Variants in CNTNAP4 observed in about 807,000 individuals in gnomAD.
CNTNAP4 encodes the protein contactin-associated protein-like 4.
CNTNAP4 carries 98 observed loss-of-function variants against 148.4 expected under a neutral mutation model. That is an observed-to-expected ratio of 0.66 (90% CI 0.56 to 0.78). CNTNAP4 has a LOEUF of 0.78. CNTNAP4 is among the 30% of genes least tolerant of loss of function. CNTNAP4 has a pLI of 0.00. For synonymous variants in CNTNAP4, 730 were observed against 565.1 expected, an observed-to-expected ratio of 1.29 and a Z score of -4.14; for missense variants, 1,935 against 1,565.6, an observed-to-expected ratio of 1.24 and a Z score of -3.98.
intron 3 of CNTNAP4, among the ~76,000 whole-genome samples, chr16:76,409,327 C>G (rs1261731804): frequency 6.6e-6 from 1 of 151,782 alleles, no homozygotes; most frequent in Non-Finnish European, 1.5e-5. Context: ...TTAAAATAAG[C>G]AGAGTTTAAA....
intron 1 of CNTNAP4, among the ~76,000 whole-genome samples, chr16:76,291,318 G>A (rs1959105507): frequency 6.6e-6 from 1 of 152,054 alleles, no homozygotes; most frequent in African/African-American, 2.4e-5. Flanking sequence ...TCAGTGCATT[G>A]CCGAGATCAA....
chr16:76,287,105 A>C (rs1375627800), intron 1 of CNTNAP4, among the ~76,000 whole-genome samples: 1 of 152,218 alleles, frequency 6.6e-6, no homozygotes, highest in African/African-American at 2.4e-5. Flanking sequence ...CAAAAGATGT[A>C]AGCTTTTCTA....
At position 76,540,828 on chromosome 16, in the gene CNTNAP4, A is replaced by G. The variant is rs752085860; in HGVS notation, c.3442+38A>G. The G allele has an allele frequency of 2.9e-6, 4 of 1,374,574 alleles. No homozygotes were observed. The East Asian group carries it at 1.0e-4, about 35-fold the overall frequency. The allele number at this position is 1,374,574 out of a possible 1,614,324, so 85.1% of individuals were successfully genotyped here. The stretch of plus-strand genomic sequence containing the variant: ...AACAACCTTTCCCCTAACCATGCTA[A>G]TCATGATACATAAGCATGGATCAGA... On this transcript the variant is annotated intron_variant, in intron 21 of 23. Coordinates refer to ENST00000611870, the MANE Select transcript of CNTNAP4 (RefSeq NM_033401.5).
rs547957970 is a variant in CNTNAP4, at chr16:76,312,674, C to G, written c.86-3739C>G. 3.7e-4 allele frequency among the ~76,000 whole-genome samples: 56 copies of G among 152,184 alleles called. 1 individual carries two copies. In the Middle Eastern group the frequency reaches 0.031, roughly 83 times the overall value. On this transcript the variant is annotated intron_variant, in intron 1 of 23. Coordinates refer to ENST00000611870, the MANE Select transcript of CNTNAP4 (RefSeq NM_033401.5). ...CTGATGGAACTCCTACACTTCAAACCTAAAGAAATAATAATTATAGTCATG... is the reference window on the plus strand; with the variant it reads ...CTGATGGAACTCCTACACTTCAAACGTAAAGAAATAATAATTATAGTCATG...
chr16:76,505,722 T>C (rs60537766), intron 15 of CNTNAP4, among the ~76,000 whole-genome samples: 4,584 of 97,588 alleles, frequency 0.047, 841 homozygotes, highest in African/African-American at 0.11. Context: ...ACAGTTTGCA[T>C]AGCTATACTT....
At chr16:76,291,926 C>T (rs1345225149) in intron 1 of CNTNAP4, among the ~76,000 whole-genome samples, 1 of 152,188 alleles carries the variant, frequency 6.6e-6, no homozygotes, top group Non-Finnish European at 1.5e-5. Context: ...CCATCCTTTC[C>T]AGTGCATTTC....
At chr16:76,461,630 A>G (rs1015780081) in intron 8 of CNTNAP4, among the ~76,000 whole-genome samples, 7 of 152,218 alleles carry the variant, frequency 4.6e-5, no homozygotes, top group African/African-American at 1.7e-4. Context: ...TTTATTGGGT[A>G]TATCTTGGAA....
At chr16:76,335,740 A>T (rs947864069) in intron 2 of CNTNAP4, among the ~76,000 whole-genome samples, 6 of 152,178 alleles carry the variant, frequency 3.9e-5, no homozygotes, top group African/African-American at 1.2e-4. Context: ...TTGCCATGTG[A>T]CAAGAACCCC....
chr16:76,412,953 C>T (rs557043596), intron 3 of CNTNAP4, among the ~76,000 whole-genome samples: 30 of 151,432 alleles, frequency 2.0e-4, no homozygotes, highest in Middle Eastern at 6.8e-3. Context: ...CTTCTGCATA[C>T]GGTTTGAGGT....
chr16:76,500,985 C>T (rs1218844113), intron 15 of CNTNAP4, among the ~76,000 whole-genome samples: 1 of 152,104 alleles, frequency 6.6e-6, no homozygotes, highest in Non-Finnish European at 1.5e-5. Flanking sequence ...AGGGGCACAA[C>T]AGAATAAGAG....
Position 76,488,716 on chromosome 16 carries a change from C to G in CNTNAP4, c.1883-970C>G, listed in dbSNP as rs550118458. On this transcript the variant is annotated intron_variant, in intron 12 of 23. Transcript: ENST00000611870. The stretch of plus-strand genomic sequence containing the variant: ...CACTCTGTTTTCTTGTCTACTAAAT[C>G]AGAGGCTTTTTGATTTATCTGTTCT... Among the ~76,000 whole-genome samples, 284 of 152,296 alleles carry G rather than the reference C, an allele frequency of 1.9e-3. 1 individual carries two copies. Among genetic ancestry groups the G allele is most frequent in the Non-Finnish European group, 2.9e-3 (198 of 68,016 alleles).
chr16:76,490,901 G>A (rs1244239298), intron 13 of CNTNAP4, among the ~76,000 whole-genome samples: 1 of 152,034 alleles, frequency 6.6e-6, no homozygotes, highest in Non-Finnish European at 1.5e-5. Context: ...CTTCTTTCAT[G>A]TTCACTCCTG....
rs186032352 is a variant in CNTNAP4 at position 76,340,452 on chromosome 16, C to G, written c.197-14866C>G. On this transcript the variant is annotated intron_variant, in intron 2 of 23. Coordinates refer to ENST00000611870, the MANE Select transcript of CNTNAP4 (RefSeq NM_033401.5). ...TCAAATTTCCCTTGTACTAATGACT[C>G]TTGACTCTGAGCACCACCACCCAGA... 2.0e-5 allele frequency among the ~76,000 whole-genome samples: 3 copies of G among 152,292 alleles called. No individual in the cohort carries two copies. The East Asian group carries it at 5.8e-4, about 29-fold the overall frequency.
At chr16:76,476,449 G>C (rs776715895) in intron 11 of CNTNAP4, among the ~76,000 whole-genome samples, 2 of 152,148 alleles carry the variant, frequency 1.3e-5, no homozygotes, top group Non-Finnish European at 2.9e-5. Flanking sequence ...GCCCTGGTTG[G>C]AGTGGGTTGG....
Position 76,553,266 on chromosome 16 carries a change from T to G in CNTNAP4, c.3443-17T>G, listed in dbSNP as rs778613509. ...ACTTTTCACTACTAATATTTCGGTG[T>G]TTCTTTGAATTTCTAGAACACAGTG... On this transcript the variant is annotated splice_polypyrimidine_tract_variant and intron_variant, in intron 21 of 23. Coordinates refer to ENST00000611870, the MANE Select transcript of CNTNAP4 (RefSeq NM_033401.5). 4 of 1,528,236 alleles carry G rather than the reference T, an allele frequency of 2.6e-6. No individual in the cohort carries two copies. Among genetic ancestry groups the G allele is most frequent in the Non-Finnish European group, 3.6e-6 (4 of 1,112,080 alleles). 94.7% of individuals were successfully genotyped at this position (1,528,236 alleles called of 1,614,324 possible).
At position 76,448,810 on chromosome 16, in the gene CNTNAP4, C is replaced by A. The variant is rs533014561; in HGVS notation, c.786C>A (p.Thr262=). 1 of 1,611,516 alleles carries A rather than the reference C, an allele frequency of 6.2e-7. No homozygotes were observed. Among genetic ancestry groups the A allele is most frequent in the South Asian group, 1.1e-5 (1 of 90,394 alleles). ...CCACTTCCACCCTGGTCAATCTCACCCTGGGCAGCCTGCTAGATGATCAGC... is the reference window on the plus strand; with the variant it reads ...CCACTTCCACCCTGGTCAATCTCACACTGGGCAGCCTGCTAGATGATCAGC... ...LPSTSTLVNL[T]LGSLLDDQHW... Residue 262 remains threonine (T), a synonymous_variant, in exon 6 of 24, where the codon ACC becomes ACA. Transcript: ENST00000611870.
intron 3 of CNTNAP4, among the ~76,000 whole-genome samples, chr16:76,406,845 G>A (rs1420606433): frequency 6.6e-6 from 1 of 152,144 alleles, no homozygotes; most frequent in African/African-American, 2.4e-5. Context: ...AAAAGAGGCT[G>A]TCTCCATAAC....
At chr16:76,546,976 T>A (rs964897631) in intron 21 of CNTNAP4, among the ~76,000 whole-genome samples, 3 of 152,222 alleles carry the variant, frequency 2.0e-5, no homozygotes, top group Non-Finnish European at 4.4e-5. Flanking sequence ...TAGTTCATCC[T>A]CATTTGTAGA....
At chr16:76,353,900 C>G (rs1041243161) in intron 2 of CNTNAP4, among the ~76,000 whole-genome samples, 7 of 152,168 alleles carry the variant, frequency 4.6e-5, no homozygotes, top group Admixed American at 6.5e-5. Flanking sequence ...GGCATACGCC[C>G]TACCATAACA....
Sources: allele counts gnomAD v4.1 joint callset (sites outside exome capture counted in the v4.1 genomes callset), GRCh38; gene constraint gnomAD v4.1.1; transcripts MANE v1.5; gene names NCBI Gene and HGNC (gene_info 2026-07-23, HGNC 2026-07-21).